Variants in DISC1 observed in about 807,000 individuals in gnomAD.
The protein encoded by DISC1 is DISC1 scaffold protein.
In DISC1, 57 loss-of-function variants were observed where a neutral mutation model predicts 84.5. The observed-to-expected ratio is 0.67, with a 90% CI of 0.55 to 0.84. The LOEUF (loss-of-function observed/expected upper bound fraction) is 0.84. Among genes scored for constraint, DISC1 ranks in the 40% least tolerant of loss-of-function variants. The pLI is 0.00. For synonymous variants in DISC1, 411 were observed against 415.2 expected (o/e 0.99, Z 0.12); for missense variants, 1,000 against 1,057.8 (o/e 0.95, Z 0.76).
intron 1 of DISC1, among the ~76,000 whole-genome samples, chr1:231,681,397 G>A (rs1397254822): frequency 6.7e-6 from 1 of 149,638 alleles, no homozygotes; most frequent in Admixed American, 6.6e-5. Context: ...GCTCTCACTC[G>A]TGTGTGTTTG....
At chr1:232,025,581 ACAT>A (rs986729547) in intron 11 of DISC1, among the ~76,000 whole-genome samples, 1 of 150,724 alleles carries the variant, frequency 6.6e-6, no homozygotes, top group African/African-American at 2.4e-5. Context: ...CAGCAAAAAG[ACAT>A]CATCATCCTG....
Position 231,664,358 on chromosome 1 carries a change from T to G in DISC1, c.68-29468T>G, listed in dbSNP as rs2061828986. Among the ~76,000 whole-genome samples, 3 of 152,268 alleles carry G rather than the reference T, an allele frequency of 2.0e-5. No homozygotes were observed. The South Asian group carries it at 6.2e-4, about 32-fold the overall frequency. On this transcript the variant is annotated intron_variant, in intron 1 of 12. Coordinates refer to ENST00000439617, the MANE Select transcript of DISC1 (RefSeq NM_018662.3). The stretch of plus-strand genomic sequence containing the variant: ...ATCCACATCCCCCCATATCTAATGA[T>G]AGTTGTGGTAGGCAGAATAATATCC...
At chr1:231,904,894 A>G (rs2088512397) in intron 9 of DISC1, among the ~76,000 whole-genome samples, 1 of 152,194 alleles carries the variant, frequency 6.6e-6, no homozygotes, top group Admixed American at 6.5e-5. Flanking sequence ...GCATAAATCG[A>G]GCATAAAAAT....
intron 6 of DISC1, among the ~76,000 whole-genome samples, chr1:231,786,844 G>A (rs1237338141): frequency 6.6e-6 from 1 of 152,068 alleles, no homozygotes; most frequent in Non-Finnish European, 1.5e-5. Context: ...GTCCACCCTT[G>A]GGAGCAGTGC....
intron 1 of DISC1, among the ~76,000 whole-genome samples, chr1:231,657,220 A>G (rs1197682960): frequency 6.6e-6 from 1 of 152,218 alleles, no homozygotes; most frequent in Non-Finnish European, 1.5e-5. Context: ...TGTCTTCCAC[A>G]ATGGTTGAAC....
intron 9 of DISC1, among the ~76,000 whole-genome samples, chr1:231,910,694 C>G (rs1370170508): frequency 6.6e-6 from 1 of 152,100 alleles, no homozygotes; most frequent in African/African-American, 2.4e-5. Context: ...ATTAGGTCTG[C>G]TTGGTGTGGA....
At chr1:231,991,323 A>G (rs971315497) in intron 10 of DISC1, among the ~76,000 whole-genome samples, 2 of 152,252 alleles carry the variant, frequency 1.3e-5, no homozygotes, top group Admixed American at 1.3e-4. Flanking sequence ...ATGTCTGGCC[A>G]GCGCCTATTC....
In DISC1 at chr1:231,675,501, T is replaced by C. The variant is rs1248490331; in HGVS notation, c.68-18325T>C. On this transcript the variant is annotated intron_variant, in intron 1 of 12. Transcript: ENST00000439617. The surrounding 1 kb of genome is among the most constrained non-coding windows in gnomAD (Gnocchi z 4.1). Reference sequence around the variant, plus strand: ...AGTTCACCTTATCATCAGATAGAGATGCTATTTGTACATTTCTCCCTCATA... The same window carrying C: ...AGTTCACCTTATCATCAGATAGAGACGCTATTTGTACATTTCTCCCTCATA... 6.6e-6 allele frequency among the ~76,000 whole-genome samples: 1 copy of C among 152,318 alleles called. No individual in the cohort carries two copies. The highest frequency in any genetic ancestry group is 2.4e-5 in the African/African-American group (1 of 41,566).
intron 6 of DISC1, among the ~76,000 whole-genome samples, chr1:231,785,073 A>C (rs908446955): frequency 6.6e-6 from 1 of 152,052 alleles, no homozygotes; most frequent in Admixed American, 6.5e-5. Flanking sequence ...GTGAGGATAG[A>C]AGGGTCTAAG....
At chr1:231,845,412 T>C (rs1288258835) in intron 9 of DISC1, among the ~76,000 whole-genome samples, 2 of 151,780 alleles carry the variant, frequency 1.3e-5, no homozygotes. Flanking sequence ...GGGGGAGGTT[T>C]GAGGAGAGTG....
intron 9 of DISC1, among the ~76,000 whole-genome samples, chr1:231,844,613 G>A (rs1433567057): frequency 6.6e-6 from 1 of 152,144 alleles, no homozygotes; most frequent in Non-Finnish European, 1.5e-5. Context: ...GAGGCTTCCA[G>A]GTTATAGGAA....
At chr1:231,777,028 G>T (rs139787824) in intron 6 of DISC1, among the ~76,000 whole-genome samples, 8 of 152,230 alleles carry the variant, frequency 5.3e-5, no homozygotes, top group Admixed American at 2.0e-4. Flanking sequence ...TTTTCCATTC[G>T]TGAAGATTGT....
chr1:232,015,080 G>A (rs917218300), intron 11 of DISC1, among the ~76,000 whole-genome samples: 1 of 152,176 alleles, frequency 6.6e-6, no homozygotes, highest in Non-Finnish European at 1.5e-5. Context: ...GCAGAGTCCA[G>A]GGACAAGCTG....
chr1:231,651,008 T>A (rs1029185415), intron 1 of DISC1, among the ~76,000 whole-genome samples: 2 of 152,222 alleles, frequency 1.3e-5, no homozygotes, highest in African/African-American at 4.8e-5. Context: ...TGGGTTCAAA[T>A]GTCCTCCTTT....
intron 9 of DISC1, among the ~76,000 whole-genome samples, chr1:231,886,272 G>A (rs565945076): frequency 1.1e-4 from 16 of 152,212 alleles, no homozygotes; most frequent in African/African-American, 2.9e-4. Flanking sequence ...AGTAATATCC[G>A]CATAGTGATT....
chr1:231,717,800 A>C (rs1439753006), intron 3 of DISC1, among the ~76,000 whole-genome samples: 1 of 152,136 alleles, frequency 6.6e-6, no homozygotes, highest in Non-Finnish European at 1.5e-5. Context: ...AATTGCTTTC[A>C]TTGTCCATTT....
At chr1:231,939,817 A>T (rs1335916546) in intron 9 of DISC1, among the ~76,000 whole-genome samples, 1 of 151,594 alleles carries the variant, frequency 6.6e-6, no homozygotes, top group African/African-American at 2.4e-5. Flanking sequence ...ATCTCAGCTC[A>T]CCGCAACCTC....
chr1:231,745,798 A>T (rs1284414276), intron 3 of DISC1, among the ~76,000 whole-genome samples: 1 of 151,974 alleles, frequency 6.6e-6, no homozygotes, highest in African/African-American at 2.4e-5. Flanking sequence ...TTCAAATTTC[A>T]TGTTGAAATG....
intron 11 of DISC1, among the ~76,000 whole-genome samples, chr1:232,015,419 C>G (rs1185747846): frequency 6.6e-6 from 1 of 152,186 alleles, no homozygotes; most frequent in African/African-American, 2.4e-5. Flanking sequence ...AGGATGGCGT[C>G]TGCCTGAATG....
Sources: allele counts gnomAD v4.1 joint callset (sites outside exome capture counted in the v4.1 genomes callset), GRCh38; gene constraint gnomAD v4.1.1; non-coding constraint Gnocchi (gnomAD v3.1); transcripts MANE v1.5; gene names NCBI Gene and HGNC (gene_info 2026-07-23, HGNC 2026-07-21).